Variants in ZNF462 observed in about 807,000 individuals in gnomAD.
The protein encoded by ZNF462 is zinc finger PBX1-interacting protein.
In ZNF462, 10 loss-of-function variants were observed where a neutral mutation model predicts 201.9. That is an observed-to-expected ratio of 0.05 (90% CI 0.03 to 0.08). The LOEUF (loss-of-function observed/expected upper bound fraction) is 0.08, where lower values mean the gene tolerates loss of function less well. Ranked by LOEUF, ZNF462 falls within the 10% of genes least tolerant of loss-of-function variation. The pLI is 1.00. For missense variants in ZNF462, 2,523 were observed against 3,168.3 expected (o/e 0.80, Z 4.89); for synonymous variants, 1,227 against 1,193.3 (o/e 1.03, Z -0.58).
In ZNF462 at chr9:106,928,220, T is replaced by C. The variant is rs936230676; in HGVS notation, c.4308T>C (p.Pro1436=). The C allele has an allele frequency of 1.7e-5, 28 of 1,613,972 alleles. No individual in the cohort carries two copies. The highest frequency in any genetic ancestry group is 2.4e-5 in the Non-Finnish European group (28 of 1,180,006). Residue 1436 remains proline (P), a synonymous_variant, in exon 3 of 13, where the codon CCT becomes CCC. Coordinates refer to ENST00000277225, the MANE Select transcript of ZNF462 (RefSeq NM_021224.6). This position sits in a 1 kb window ranked among gnomAD's most constrained non-coding sequence, Gnocchi z 9.3. Reference sequence around the variant, plus strand: ...ATTGTGAAAACAGTATACCCACCCCTTTCCCGGAGCAGGAAGCTGAATGTC... The same window carrying C: ...ATTGTGAAAACAGTATACCCACCCCCTTCCCGGAGCAGGAAGCTGAATGTC... ...PVNCENSIPT[P]FPEQEAECPE...
In ZNF462 at chr9:107,009,324, G is replaced by A. The variant is rs953533435; in HGVS notation, c.7190-221G>A. ...GATAGAAGCATTGGGGAGGTGAGGC[G>A]AAATGAGGTCTTGGGGCCCAAGAAC... is the stretch of plus-strand genomic sequence containing the variant. On this transcript the variant is annotated intron_variant, in intron 11 of 12. Transcript: ENST00000277225. The surrounding 1 kb of genome is among the most constrained non-coding windows in gnomAD (Gnocchi z 6.1). 11 of 531,442 alleles carry A rather than the reference G, an allele frequency of 2.1e-5. No homozygotes were observed. Among genetic ancestry groups the A allele is most frequent in the East Asian group, 6.2e-5 (2 of 32,400 alleles). The allele number at this position is 531,442 out of a possible 1,614,324, so 32.9% of individuals were successfully genotyped here.
At chr9:106,922,036 C>G (rs574620910) in intron 1 of ZNF462, among the ~76,000 whole-genome samples, 1 of 152,334 alleles carries the variant, frequency 6.6e-6, no homozygotes, top group Admixed American at 6.5e-5. Flanking sequence ...GAGGAGCATT[C>G]TTTGATAGAA....
At position 106,926,601 on chromosome 9, in the gene ZNF462, A is replaced by G; in HGVS notation, c.2689A>G (p.Asn897Asp). 1 of 1,614,158 alleles carries G rather than the reference A, an allele frequency of 6.2e-7. No homozygotes were observed. Among genetic ancestry groups the G allele is most frequent in the South Asian group, 1.1e-5 (1 of 91,078 alleles). The change falls in exon 3 of 13, where the codon AAC becomes GAC. Residue 897 changes from asparagine to aspartate, a missense_variant. By Grantham distance (23) the Asn-to-Asp change is conservative. Around this residue, in one of 15 missense-constraint regions of ZNF462, gnomAD observed 280 missense variants for 321.3 expected, o/e 0.87. Coordinates refer to ENST00000277225, the MANE Select transcript of ZNF462 (RefSeq NM_021224.6). This position sits in a 1 kb window ranked among gnomAD's most constrained non-coding sequence, Gnocchi z 7.9. ...RCLECYIDYT[N>D]FEDLQQHYGE... Reference sequence around the variant, plus strand: ...CCTGGAATGCTACATCGATTACACCAACTTCGAAGATCTCCAGCAGCATTA... The same window carrying G: ...CCTGGAATGCTACATCGATTACACCGACTTCGAAGATCTCCAGCAGCATTA...
chr9:106,968,231 T>G lies in ZNF462; in HGVS notation c.6428-3774T>G, dbSNP rs1832170987. Among the ~76,000 whole-genome samples, 1 of 152,204 alleles carries G rather than the reference T, an allele frequency of 6.6e-6. No homozygotes were observed. Among genetic ancestry groups the G allele is most frequent in the African/African-American group, 2.4e-5 (1 of 41,468 alleles). On this transcript the variant is annotated intron_variant, in intron 7 of 12. Coordinates refer to ENST00000277225, the MANE Select transcript of ZNF462 (RefSeq NM_021224.6). This position sits in a 1 kb window ranked among gnomAD's most constrained non-coding sequence, Gnocchi z 4.0. ...GTGACCCGTCATCCTCAGCTTCAGCTACCTCACTGGTAAAATTGAGATGTA... is the reference window on the plus strand; with the variant it reads ...GTGACCCGTCATCCTCAGCTTCAGCGACCTCACTGGTAAAATTGAGATGTA...
In ZNF462 at chr9:106,928,962, A is replaced by G; in HGVS notation, c.5050A>G (p.Asn1684Asp). 1 of 1,614,142 alleles carries G rather than the reference A, an allele frequency of 6.2e-7. No individual in the cohort carries two copies. The highest frequency in any genetic ancestry group is 8.5e-7 in the Non-Finnish European group (1 of 1,180,040). ...GIARHYRIKH[N>D]NVRAQPEGKN... ...CGCCAGGCACTACCGCATCAAGCACAATAATGTCCGAGCCCAGCCAGAAGG... is the reference window on the plus strand; with the variant it reads ...CGCCAGGCACTACCGCATCAAGCACGATAATGTCCGAGCCCAGCCAGAAGG... The change falls in exon 3 of 13, where the codon AAT becomes GAT. Residue 1684 changes from asparagine to aspartate, a missense_variant. Around this residue, in one of 15 missense-constraint regions of ZNF462, gnomAD observed 200 missense variants for 281.3 expected, o/e 0.71. Coordinates refer to ENST00000277225, the MANE Select transcript of ZNF462 (RefSeq NM_021224.6). This position sits in a 1 kb window ranked among gnomAD's most constrained non-coding sequence, Gnocchi z 9.3.
At chr9:106,998,067 C>G (rs1389748739) in intron 10 of ZNF462, among the ~76,000 whole-genome samples, 1 of 152,134 alleles carries the variant, frequency 6.6e-6, no homozygotes, top group African/African-American at 2.4e-5. Flanking sequence ...GCCCTTTACA[C>G]AAAAAGTTTA....
Position 106,929,434 on chromosome 9 carries a change from T to A in ZNF462, c.5522T>A (p.Ile1841Asn), listed in dbSNP as rs912286770. 10 of 1,613,806 alleles carry A rather than the reference T, an allele frequency of 6.2e-6. No homozygotes were observed. The highest frequency in any genetic ancestry group is 5.9e-6 in the Non-Finnish European group (7 of 1,180,006). ...GAGGTGGAGGGTGAAGCTCAGGAAA[T>A]CGAGTGGCTCCCATTCCGCTGCATC... ...KAEVEGEAQE[I>N]EWLPFRCIKC... is the part of the protein sequence containing the mutation. Residue 1841 changes from isoleucine to asparagine, a missense_variant, in exon 3 of 13, where the codon ATC becomes AAC. Ile to Asn is a moderately radical substitution (Grantham distance 149, BLOSUM62 -3). Coordinates refer to ENST00000277225, the MANE Select transcript of ZNF462 (RefSeq NM_021224.6). This position sits in a 1 kb window ranked among gnomAD's most constrained non-coding sequence, Gnocchi z 8.7.
intron 1 of ZNF462, among the ~76,000 whole-genome samples, chr9:106,873,416 C>CT (rs551556868): frequency 1.2e-3 from 176 of 145,418 alleles, no homozygotes; most frequent in African/African-American, 2.9e-3. Flanking sequence ...ATGCTGGTGA[C>CT]TTTTTTTTTT....
intron 1 of ZNF462, among the ~76,000 whole-genome samples, chr9:106,892,689 CAT>C (rs879493446): frequency 1.4e-5 from 2 of 144,418 alleles, no homozygotes; most frequent in African/African-American, 2.9e-5. Context: ...CACACACACA[CAT>C]GCACACACAC....
At chr9:106,871,818 A>G (rs1039937709) in intron 1 of ZNF462, among the ~76,000 whole-genome samples, 1 of 152,242 alleles carries the variant, frequency 6.6e-6, no homozygotes, top group Non-Finnish European at 1.5e-5. Flanking sequence ...CAGCTGCATT[A>G]TTAATGGACA....
Position 106,870,312 on chromosome 9 carries a change from G to C in ZNF462, c.-31+6957G>C, listed in dbSNP as rs1006514364. Among the ~76,000 whole-genome samples the C allele has an allele frequency of 2.2e-4, 33 of 152,068 alleles. No individual in the cohort carries two copies. The highest frequency in any genetic ancestry group is 8.0e-4 in the African/African-American group (33 of 41,500). On this transcript the variant is annotated intron_variant, in intron 1 of 12. Transcript: ENST00000277225. The surrounding 1 kb of genome is among the most constrained non-coding windows in gnomAD (Gnocchi z 4.3). ...TTCTTGGAGGGAAGGTTTTTTTTGT[G>C]TGCCAGGTCATGGGTATTTTGGTAT... is the stretch of plus-strand genomic sequence containing the variant.
In ZNF462 at chr9:106,963,818, A is replaced by G. The variant is rs1012757099; in HGVS notation, c.6428-8187A>G. ...TTTCATCTTACACGACTGAAACTCT[A>G]TATCCATAGAACAACAACTCTCCAC... On this transcript the variant is annotated intron_variant, in intron 7 of 12. Transcript: ENST00000277225. The surrounding 1 kb of genome is among the most constrained non-coding windows in gnomAD (Gnocchi z 4.7). Among the ~76,000 whole-genome samples the G allele has an allele frequency of 3.3e-5, 5 of 152,024 alleles. No homozygotes were observed. The highest frequency in any genetic ancestry group is 5.9e-5 in the Non-Finnish European group (4 of 67,948).
Position 106,929,486 on chromosome 9 carries a change from T to C in ZNF462, c.5574T>C (p.Thr1858=). ...CIKCFKLSFS[T]AELLCMHYTD... is the part of the protein sequence containing the mutation. ...AATGCTTCAAGCTGTCCTTTAGCAC[T>C]GCAGAGCTGCTGTGCATGCATTACA... Residue 1858 remains threonine, a synonymous_variant, in exon 3 of 13, where the codon ACT becomes ACC. Transcript: ENST00000277225. This position sits in a 1 kb window ranked among gnomAD's most constrained non-coding sequence, Gnocchi z 8.7. 6.2e-7 allele frequency: 1 copy of C among 1,614,158 alleles called. No homozygotes were observed.
In ZNF462 at chr9:107,006,239, T is replaced by A. The variant is rs889991776; in HGVS notation, c.7189+2813T>A. 2.0e-5 allele frequency among the ~76,000 whole-genome samples: 3 copies of A among 152,314 alleles called. No individual in the cohort carries two copies. Among genetic ancestry groups the A allele is most frequent in the Admixed American group, 6.5e-5 (1 of 15,300 alleles). Reference sequence around the variant, plus strand: ...AGACCTTCACCCAGTTCCTAGAATATAACAATCACCTAATAAATGATAAGC... The same window carrying A: ...AGACCTTCACCCAGTTCCTAGAATAAAACAATCACCTAATAAATGATAAGC... On this transcript the variant is annotated intron_variant, in intron 11 of 12. Coordinates refer to ENST00000277225, the MANE Select transcript of ZNF462 (RefSeq NM_021224.6). The surrounding 1 kb of genome is among the most constrained non-coding windows in gnomAD (Gnocchi z 4.3).
intron 1 of ZNF462, among the ~76,000 whole-genome samples, chr9:106,864,052 C>CTCTCTCTCTCTCTCTCTCTG (rs1827186782): frequency 1.8e-5 from 1 of 55,994 alleles, no homozygotes; most frequent in Non-Finnish European, 3.7e-5. Flanking sequence ...CTCTCTCTCT[C>CTCTCTCTCTCTCTCTCTCTG]TCTCTCTCTC....
At position 106,924,287 on chromosome 9, in the gene ZNF462, A is replaced by G. The variant is rs113067464; in HGVS notation, c.375A>G (p.Glu125=). Reference sequence around the variant, plus strand: ...TCAGGTCAAAAAACCTCCTCATAGAACACACTAGAAAGGTCCATGGAGCTC... The same window carrying G: ...TCAGGTCAAAAAACCTCCTCATAGAGCACACTAGAAAGGTCCATGGAGCTC... The part of the protein sequence containing the change: ...RYFRSKNLLI[E]HTRKVHGAQA... Residue 125 remains glutamate, a synonymous_variant, in exon 3 of 13, where the codon GAA becomes GAG. Transcript: ENST00000277225. The surrounding 1 kb of genome is among the most constrained non-coding windows in gnomAD (Gnocchi z 6.2). 3.1e-6 allele frequency: 5 copies of G among 1,614,140 alleles called. No individual in the cohort carries two copies. The highest frequency in any genetic ancestry group is 4.2e-6 in the Non-Finnish European group (5 of 1,180,016).
rs752802720 is a variant in ZNF462, at chr9:106,927,719, G to T, written c.3807G>T (p.Gln1269His). 26 of 1,614,118 alleles carry T rather than the reference G, an allele frequency of 1.6e-5. No individual in the cohort carries two copies. The South Asian group carries it at 2.7e-4, about 17-fold the overall frequency. ...KTKLRALKCRQCSYTSPYFYA... is the reference protein window; with the variant it reads ...KTKLRALKCRHCSYTSPYFYA... ...AACTCCGAGCACTCAAATGTAGGCA[G>T]TGCTCATATACCTCCCCCTACTTCT... The change falls in exon 3 of 13, where the codon CAG becomes CAT. Residue 1269 changes from glutamine to histidine, a missense_variant. Gln to His is a conservative substitution (Grantham distance 24). Coordinates refer to ENST00000277225, the MANE Select transcript of ZNF462 (RefSeq NM_021224.6).
intron 1 of ZNF462, among the ~76,000 whole-genome samples, chr9:106,894,657 G>C (rs1241797384): frequency 6.6e-6 from 1 of 152,168 alleles, no homozygotes; most frequent in African/African-American, 2.4e-5. Flanking sequence ...CTAGGTCTGT[G>C]CTGTCCAGTG....
rs192865352 is a variant in ZNF462 at position 106,946,640 on chromosome 9, C to T, written c.6427+7533C>T. Among the ~76,000 whole-genome samples, 663 of 152,006 alleles carry T rather than the reference C, an allele frequency of 4.4e-3. 17 individuals are homozygous for T. The highest frequency in any genetic ancestry group is 6.6e-4 in the Non-Finnish European group (45 of 67,996). The stretch of plus-strand genomic sequence containing the variant: ...CTTGCTAGAGTCGAGGGTATGTCCT[C>T]GGAAAGATGGGTATGTAAAAAAATA... On this transcript the variant is annotated intron_variant, in intron 7 of 12. Coordinates refer to ENST00000277225, the MANE Select transcript of ZNF462 (RefSeq NM_021224.6).
Sources: allele counts gnomAD v4.1 joint callset (sites outside exome capture counted in the v4.1 genomes callset), GRCh38; gene constraint gnomAD v4.1.1; regional missense constraint gnomAD v4.1.1; non-coding constraint Gnocchi (gnomAD v3.1); transcripts MANE v1.5; gene names NCBI Gene and HGNC (gene_info 2026-07-23, HGNC 2026-07-21).